UBE2R2: variants seen among roughly 807,000 people sequenced by gnomAD.
UBE2R2 encodes ubiquitin conjugating enzyme E2 R2, also known as ubiquitin-conjugating enzyme E2 R2.
A neutral mutation model predicts 27.8 loss-of-function variants in UBE2R2; 1 was observed. The ratio of observed to expected loss-of-function variants is 0.04; its 90% CI spans 0.01 to 0.17. The LOEUF (loss-of-function observed/expected upper bound fraction) is 0.17. Among genes scored for constraint, UBE2R2 ranks in the 10% least tolerant of loss-of-function variants. The pLI is 1.00. For missense variants in UBE2R2, 100 were observed against 291.0 expected (o/e 0.34, Z 4.78); for synonymous variants, 106 against 113.3 (o/e 0.94, Z 0.41).
At chr9:33,868,700 T>G (rs74413748) in intron 1 of UBE2R2, 3 of 152,136 alleles carry the variant, frequency 2.0e-5, no homozygotes, top group Non-Finnish European at 4.4e-5. Flanking sequence ...CCAAAAAATA[T>G]GTCTTGATTG....
chr9:33,844,720 CAT>C (rs1220092293), intron 1 of UBE2R2, among the ~76,000 whole-genome samples: 3 of 152,038 alleles, frequency 2.0e-5, no homozygotes, highest in Non-Finnish European at 4.4e-5. Context: ...GTATCAGTAA[CAT>C]ATGTTGAGTC....
chr9:33,874,464 T>G (rs1821560331), intron 1 of UBE2R2, among the ~76,000 whole-genome samples: 1 of 152,158 alleles, frequency 6.6e-6, no homozygotes, highest in Non-Finnish European at 1.5e-5. Flanking sequence ...CCTCTGTTCC[T>G]GAGCTGATCA....
Position 33,912,115 on chromosome 9 carries a change from TA to T in UBE2R2, c.497+18del. The stretch of plus-strand genomic sequence containing the variant: ...AATTATTAGGTAAGGTTTTTTTTTT[TA>T]TTACCTCAAGTTATACAAAACCAAA... On this transcript the variant is annotated intron_variant, in intron 4 of 4. Coordinates refer to ENST00000263228, the MANE Select transcript of UBE2R2 (RefSeq NM_017811.4). 1 of 1,558,354 alleles carries T rather than the reference TA, an allele frequency of 6.4e-7. No homozygotes were observed. Among genetic ancestry groups the T allele is most frequent in the Non-Finnish European group, 8.8e-7 (1 of 1,137,806 alleles).
chr9:33,891,391 A>G (rs1381858509), intron 2 of UBE2R2, among the ~76,000 whole-genome samples: 1 of 151,610 alleles, frequency 6.6e-6, no homozygotes, highest in Non-Finnish European at 1.5e-5. Flanking sequence ...TACGCCTGTA[A>G]TCCTAACACT....
chr9:33,840,872 T>G (rs1820718632), intron 1 of UBE2R2, among the ~76,000 whole-genome samples: 1 of 152,200 alleles, frequency 6.6e-6, no homozygotes, highest in South Asian at 2.1e-4. Flanking sequence ...TTTTTCAAAA[T>G]AGTGACTTAG....
chr9:33,887,047 C>A, intron 2 of UBE2R2, 80 bp downstream of exon 2: 2 of 1,134,866 alleles, frequency 1.8e-6, no homozygotes, highest in Non-Finnish European at 2.5e-6. Flanking sequence ...TCTCAGCACA[C>A]TTTGATACTT....
chr9:33,917,748 C>T lies in UBE2R2; in HGVS notation c.*511C>T, dbSNP rs1822687692. ...TTGCCAAGGTTTAGCTGCTCATTTA[C>T]ATTAGTGTGTGTGCATTCGTTCAGC... On this transcript the variant is annotated 3_prime_UTR_variant, in exon 5 of 5. Coordinates refer to ENST00000263228, the MANE Select transcript of UBE2R2 (RefSeq NM_017811.4). 1.2e-5 allele frequency: 2 copies of T among 162,672 alleles called. No homozygotes were observed. The highest frequency in any genetic ancestry group is 3.9e-4 in the South Asian group (2 of 5,110). The allele number at this position is 162,672 out of a possible 1,614,324, so 10.1% of individuals were successfully genotyped here. A position where few individuals can be genotyped will look rare whatever the true frequency, so the allele number is the denominator to read the frequency against.
intron 2 of UBE2R2, among the ~76,000 whole-genome samples, chr9:33,891,715 G>GAT (rs1199102048): frequency 6.6e-6 from 1 of 152,084 alleles, no homozygotes; most frequent in African/African-American, 2.4e-5. Flanking sequence ...TAAATGTATA[G>GAT]ATATATTACT....
intron 2 of UBE2R2, among the ~76,000 whole-genome samples, chr9:33,899,777 C>T (rs1157566146): frequency 1.3e-5 from 2 of 152,160 alleles, no homozygotes; most frequent in Admixed American, 6.6e-5. Flanking sequence ...GGATTACAGG[C>T]GTGAGACACC....
chr9:33,832,937 T>A lies in UBE2R2; in HGVS notation c.177+15003T>A, dbSNP rs561889499. The stretch of plus-strand genomic sequence containing the variant: ...GGGCAGTTTTTATACCAAATTTGTC[T>A]ATGTGAGAAGAAAATGAAGTTACTC... On this transcript the variant is annotated intron_variant, in intron 1 of 4. Transcript: ENST00000263228. Among the ~76,000 whole-genome samples the A allele has an allele frequency of 1.8e-3, 273 of 152,276 alleles. 1 individual carries two copies. Among genetic ancestry groups the A allele is most frequent in the Middle Eastern group, 3.4e-3 (1 of 294 alleles).
At position 33,822,594 on chromosome 9, in the gene UBE2R2, T is replaced by A. The variant is rs574548011; in HGVS notation, c.177+4660T>A. On this transcript the variant is annotated intron_variant, in intron 1 of 4. Coordinates refer to ENST00000263228, the MANE Select transcript of UBE2R2 (RefSeq NM_017811.4). Reference sequence around the variant, plus strand: ...GGTGCATACCACACTCGTTTTAATTTAAAAAAAAAATTGTTTATGCAGAAA... The same window carrying A: ...GGTGCATACCACACTCGTTTTAATTAAAAAAAAAAATTGTTTATGCAGAAA... Among the ~76,000 whole-genome samples the A allele has an allele frequency of 1.9e-3, 284 of 149,902 alleles. 9 individuals are homozygous for A. The South Asian group carries it at 0.056, about 30-fold the overall frequency.
intron 1 of UBE2R2, among the ~76,000 whole-genome samples, chr9:33,862,205 A>T (rs1040007735): frequency 1.3e-5 from 2 of 152,102 alleles, no homozygotes; most frequent in Non-Finnish European, 2.9e-5. Flanking sequence ...ATCATTTGGT[A>T]TGATAAACAA....
chr9:33,891,420 C>T (rs1239631281), intron 2 of UBE2R2, among the ~76,000 whole-genome samples: 1 of 151,578 alleles, frequency 6.6e-6, no homozygotes, highest in Non-Finnish European at 1.5e-5. Context: ...CCGAGGTAGG[C>T]GGACCACTTG....
chr9:33,860,713 C>T (rs1821210480), intron 1 of UBE2R2, among the ~76,000 whole-genome samples: 2 of 151,962 alleles, frequency 1.3e-5, no homozygotes, highest in Non-Finnish European at 2.9e-5. Flanking sequence ...CCAGCCTGGG[C>T]AACATAGTGA....
chr9:33,912,322 G>A (rs1281926908), intron 4 of UBE2R2, among the ~76,000 whole-genome samples: 1 of 151,930 alleles, frequency 6.6e-6, no homozygotes, highest in Non-Finnish European at 1.5e-5. Context: ...GATTTTCTAG[G>A]AACCAGAACT....
intron 1 of UBE2R2, among the ~76,000 whole-genome samples, chr9:33,837,005 G>A (rs1327597826): frequency 6.6e-6 from 1 of 152,090 alleles, no homozygotes; most frequent in Non-Finnish European, 1.5e-5. Context: ...TCTTCTGGAA[G>A]TTTGCAGGAC....
At chr9:33,859,674 T>A (rs145838802) in intron 1 of UBE2R2, among the ~76,000 whole-genome samples, 48 of 152,182 alleles carry the variant, frequency 3.2e-4, no homozygotes, top group African/African-American at 1.1e-3. Flanking sequence ...TTTTTCAGAA[T>A]AATTTTGGAT....
At chr9:33,905,490 T>C (rs1822334698) in intron 3 of UBE2R2, among the ~76,000 whole-genome samples, 1 of 152,240 alleles carries the variant, frequency 6.6e-6, no homozygotes, top group African/African-American at 2.4e-5. Flanking sequence ...TTCCATTCTC[T>C]GCAGATGATA....
intron 1 of UBE2R2, chr9:33,818,542 A>AC (rs1825888372): frequency 6.9e-6 from 1 of 144,294 alleles, no homozygotes; most frequent in Non-Finnish European, 1.6e-5. Context: ...AAAAAAAAAA[A>AC]AAAAAAAAAA....
Sources: allele counts gnomAD v4.1 joint callset (sites outside exome capture counted in the v4.1 genomes callset), GRCh38; gene constraint gnomAD v4.1.1; transcripts MANE v1.5; gene names NCBI Gene and HGNC (gene_info 2026-07-23, HGNC 2026-07-21).